RBMS3: variants seen among roughly 807,000 people sequenced by gnomAD.
The protein encoded by RBMS3 is RNA binding motif single stranded interacting protein 3, also known as RNA-binding motif, single-stranded-interacting protein 3.
RBMS3 carries 27 observed loss-of-function variants against 66.8 expected under a neutral mutation model. The observed-to-expected ratio is 0.40, with a 90% CI of 0.30 to 0.56. The LOEUF (loss-of-function observed/expected upper bound fraction) is 0.56. Among genes scored for constraint, RBMS3 ranks in the 20% least tolerant of loss-of-function variants. The pLI, the probability that RBMS3 is intolerant of heterozygous loss-of-function variation, is 0.40. For synonymous variants in RBMS3, 188 were observed against 183.0 expected, an observed-to-expected ratio of 1.03 and a Z score of -0.22; for missense variants, 513 against 549.5, an observed-to-expected ratio of 0.93 and a Z score of 0.66.
chr3:29,988,902 G>A (rs1331479558), intron 13 of RBMS3, among the ~76,000 whole-genome samples: 1 of 152,108 alleles, frequency 6.6e-6, no homozygotes, highest in Non-Finnish European at 1.5e-5. Flanking sequence ...GAGAGACACT[G>A]GACTAATGCA....
chr3:29,655,685 T>C (rs562883682), intron 4 of RBMS3, among the ~76,000 whole-genome samples: 7 of 152,352 alleles, frequency 4.6e-5, no homozygotes, highest in African/African-American at 9.6e-5. Context: ...ATACTTACTA[T>C]CCTATATTTG....
At chr3:29,504,834 A>G (rs1212536262) in intron 3 of RBMS3, among the ~76,000 whole-genome samples, 1 of 152,034 alleles carries the variant, frequency 6.6e-6, no homozygotes, top group African/African-American at 2.4e-5. Context: ...TGTTTCTCTG[A>G]TGACTAGTCA....
intron 4 of RBMS3, among the ~76,000 whole-genome samples, chr3:29,645,437 A>G (rs936394140): frequency 4.6e-5 from 7 of 152,230 alleles, no homozygotes; most frequent in Admixed American, 2.0e-4. Flanking sequence ...GTCTTTGTAT[A>G]AGGAACAATA....
At chr3:29,538,361 A>G (rs1185371473) in intron 3 of RBMS3, among the ~76,000 whole-genome samples, 1 of 152,234 alleles carries the variant, frequency 6.6e-6, no homozygotes, top group South Asian at 2.1e-4. Context: ...CGAACTAGAA[A>G]TAGTAAACCA....
At chr3:29,629,961 A>G (rs930064447) in intron 4 of RBMS3, among the ~76,000 whole-genome samples, 8 of 152,114 alleles carry the variant, frequency 5.3e-5, no homozygotes, top group African/African-American at 1.9e-4. Flanking sequence ...GTCACAGGAA[A>G]TCATCCCTTT....
At chr3:29,386,688 G>A (rs575206786) in intron 1 of RBMS3, among the ~76,000 whole-genome samples, 2 of 152,238 alleles carry the variant, frequency 1.3e-5, no homozygotes, top group African/African-American at 4.8e-5. Flanking sequence ...GAGAAAAAAA[G>A]CTCTTGGCTC....
chr3:29,954,039 T>A (rs959078666), intron 12 of RBMS3, among the ~76,000 whole-genome samples: 1 of 152,026 alleles, frequency 6.6e-6, no homozygotes, highest in South Asian at 2.1e-4. Context: ...ATAGCATTGA[T>A]TGCCCTCTAT....
At chr3:29,625,697 A>AAAGT (rs201650644) in intron 4 of RBMS3, among the ~76,000 whole-genome samples, 2 of 124,958 alleles carry the variant, frequency 1.6e-5, no homozygotes, top group African/African-American at 7.7e-5. Flanking sequence ...AAACGCCATT[A>AAAGT]AAGTAAATAA....
At position 29,625,734 on chromosome 3, in the gene RBMS3, A is replaced by AAGTG. The variant is rs879347592; in HGVS notation, c.399+38530_399+38531insGTGA. ...TAAATAAATAAATAAATAAATAAAT[A>AAGTG]AATAAAAATAATCTTTTCTTGGTGA... On this transcript the variant is annotated intron_variant, in intron 4 of 14. Transcript: ENST00000383767. 2.1e-3 allele frequency among the ~76,000 whole-genome samples: 277 copies of AAGTG among 131,696 alleles called. 5 individuals carry two copies. The highest frequency in any genetic ancestry group is 8.6e-3 in the African/African-American group (263 of 30,654). The allele number at this position is 131,696 out of a possible 152,430, so 86.4% of individuals were successfully genotyped here.
intron 1 of RBMS3, among the ~76,000 whole-genome samples, chr3:29,406,443 C>G (rs1221989972): frequency 6.6e-6 from 1 of 152,144 alleles, no homozygotes; most frequent in Admixed American, 6.5e-5. Context: ...TTTCAAACTG[C>G]TACAACTCCC....
chr3:29,766,556 C>T (rs1429067810), intron 6 of RBMS3: 2 of 151,928 alleles, frequency 1.3e-5, no homozygotes, highest in Non-Finnish European at 2.9e-5. Flanking sequence ...GAGAACTTTA[C>T]AGATATCTTT....
chr3:29,532,237 C>CATACGT (rs2045380447), intron 3 of RBMS3, among the ~76,000 whole-genome samples: 1 of 92,138 alleles, frequency 1.1e-5, no homozygotes, highest in African/African-American at 6.3e-5. Context: ...TTTAATTTCG[C>CATACGT]ATATATATGT....
rs976309739 is a variant in RBMS3, at chr3:29,975,717, C to A, written c.1099-12426C>A. Among the ~76,000 whole-genome samples the A allele has an allele frequency of 3.3e-5, 5 of 151,874 alleles. No individual in the cohort carries two copies. In the South Asian group the frequency reaches 1.0e-3, roughly 31 times the overall value. ...TCTATTCTTGCAATATGACACTAAG[C>A]ACACTATCTTAATTACTGTGACTTT... On this transcript the variant is annotated intron_variant, in intron 12 of 14. Transcript: ENST00000383767.
At chr3:29,522,733 A>G (rs1020594812) in intron 3 of RBMS3, among the ~76,000 whole-genome samples, 1 of 152,270 alleles carries the variant, frequency 6.6e-6, no homozygotes, top group Middle Eastern at 3.4e-3. Flanking sequence ...TCGTCTGCCA[A>G]TACTACCCAT....
At chr3:29,977,206 A>G (rs1033625916) in intron 12 of RBMS3, among the ~76,000 whole-genome samples, 1 of 152,198 alleles carries the variant, frequency 6.6e-6, no homozygotes, top group South Asian at 2.1e-4. Flanking sequence ...TTTAAATGGT[A>G]CAATGATAAC....
At chr3:29,888,975 A>G (rs763070618) in intron 8 of RBMS3, among the ~76,000 whole-genome samples, 2 of 151,684 alleles carry the variant, frequency 1.3e-5, no homozygotes, top group Non-Finnish European at 3.0e-5. Context: ...AACAATTTTC[A>G]CATTAATTTT....
chr3:29,644,744 G>A (rs2049853690), intron 4 of RBMS3, among the ~76,000 whole-genome samples: 1 of 152,108 alleles, frequency 6.6e-6, no homozygotes, highest in African/African-American at 2.4e-5. Flanking sequence ...GATTGCACAG[G>A]CGAAAGTAGG....
At chr3:29,734,711 A>G (rs1434093273) in intron 4 of RBMS3, among the ~76,000 whole-genome samples, 1 of 152,168 alleles carries the variant, frequency 6.6e-6, no homozygotes, top group Non-Finnish European at 1.5e-5. Context: ...TGAAATATGT[A>G]CAGAAATTGA....
At chr3:29,956,129 C>A (rs548104810) in intron 12 of RBMS3, among the ~76,000 whole-genome samples, 113 of 152,220 alleles carry the variant, frequency 7.4e-4, no homozygotes, top group African/African-American at 2.6e-3. Flanking sequence ...AATCTTCAAG[C>A]TACTTTCCCA....
Sources: gnomAD v4.1 joint callset for allele counts (sites outside exome capture counted in the v4.1 genomes callset) on GRCh38, gnomAD v4.1.1 for gene constraint, MANE v1.5 for transcripts, NCBI Gene and HGNC (gene_info 2026-07-23, HGNC 2026-07-21) for gene names.